The following ZNF467 variants were observed in gnomAD, a reference collection of about 807,000 sequenced individuals.
The protein encoded by ZNF467 is zinc finger protein 467, also known as zinc finger protein EZI.
Under a neutral mutation model 47.8 loss-of-function variants are expected in ZNF467, and 51 were observed. That is an observed-to-expected ratio of 1.07 (90% CI 0.85 to 1.35). ZNF467 has a LOEUF of 1.35. ZNF467 is among the 40% of genes most tolerant of loss of function. The pLI is 0.00. For synonymous variants in ZNF467, 416 were observed against 372.9 expected (o/e 1.12, Z -1.33); for missense variants, 992 against 858.1 (o/e 1.16, Z -1.95).
chr7:149,771,797 C>G (rs1424885556), intron 1 of ZNF467, among the ~76,000 whole-genome samples: 2 of 149,434 alleles, frequency 1.3e-5, no homozygotes, highest in Non-Finnish European at 3.0e-5. Context: ...CTTCCGCCCT[C>G]TCTCCCCTGC....
chr7:149,765,997 A>G lies in ZNF467; in HGVS notation c.505T>C (p.Phe169Leu), dbSNP rs1374584296. 3.0e-5 allele frequency: 47 copies of G among 1,559,958 alleles called. No individual in the cohort carries two copies. Among genetic ancestry groups the G allele is most frequent in the African/African-American group, 4.1e-5 (3 of 73,412 alleles). The change falls in exon 5 of 5, where the codon TTC becomes CTC. Residue 169 changes from phenylalanine to leucine, a missense_variant. By Grantham distance (22) the Phe-to-Leu change is conservative (BLOSUM62 0). Coordinates refer to ENST00000302017, the MANE Select transcript of ZNF467 (RefSeq NM_207336.3). ...PYGCGECERR[F>L]RDQLTLRLHQ... The stretch of plus-strand genomic sequence containing the variant: ...AGTCGCAACGTCAGCTGGTCCCGGA[A>G]GCGCCGCTCACACTCCCCGCAGCCG...
At chr7:149,773,817 A>C (rs1251995838), upstream of ZNF467, among the ~76,000 whole-genome samples, 3 of 151,708 alleles carry the variant, frequency 2.0e-5, no homozygotes, top group African/African-American at 7.3e-5. Context: ...CCCCGCCCCC[A>C]TTCTCCACCC....
Position 149,765,677 on chromosome 7 carries a change from C to T in ZNF467, c.825G>A (p.Thr275=), listed in dbSNP as rs144084437. ...TCTTGCGAAAGCGCTTCTCGCATTC[C>T]GTGCAGGGGAAGGGCCGCTCGCCGG... ...THTGERPFPC[T]ECEKRFRKKT... is the part of the protein sequence containing the mutation. The change falls in exon 5 of 5, where the codon ACG becomes ACA. Residue 275 remains threonine (T), a synonymous_variant. Coordinates refer to ENST00000302017, the MANE Select transcript of ZNF467 (RefSeq NM_207336.3). 4 of 1,613,158 alleles carry T rather than the reference C, an allele frequency of 2.5e-6. No individual in the cohort carries two copies. Among genetic ancestry groups the T allele is most frequent in the South Asian group, 2.2e-5 (2 of 90,966 alleles).
chr7:149,764,684 G>A lies in ZNF467; in HGVS notation c.*30C>T, dbSNP rs780241345. 1 of 1,579,196 alleles carries A rather than the reference G, an allele frequency of 6.3e-7. No individual in the cohort carries two copies. Among genetic ancestry groups the A allele is most frequent in the Admixed American group, 1.8e-5 (1 of 56,824 alleles). The stretch of plus-strand genomic sequence containing the variant: ...ATGGCACGGGCCTCTCGAAACTGTG[G>A]GCAAGAAAGGGTCCTCGTGAGAACT... On this transcript the variant is annotated 3_prime_UTR_variant, in exon 5 of 5. Coordinates refer to ENST00000302017, the MANE Select transcript of ZNF467 (RefSeq NM_207336.3).
At chr7:149,772,710 G>T (rs1799463680) in intron 1 of ZNF467, among the ~76,000 whole-genome samples, 1 of 141,854 alleles carries the variant, frequency 7.0e-6, no homozygotes, top group African/African-American at 2.7e-5. Context: ...TCACCTGTCA[G>T]CGCCCTCCTC....
At chr7:149,766,442 C>T (rs1276796637) in intron 4 of ZNF467, among the ~76,000 whole-genome samples, 1 of 152,240 alleles carries the variant, frequency 6.6e-6, no homozygotes, top group Admixed American at 6.5e-5. Flanking sequence ...GAACACCACA[C>T]GGCTCCCGGG....
In ZNF467 at chr7:149,765,637, G is replaced by T. The variant is rs575232022; in HGVS notation, c.865C>A (p.Arg289=). Reference sequence around the variant, plus strand: ...TCGCCCGTATGGATGCGCTGGTGCCGAATCAAGTGCGTCTTCTTGCGAAAG... The same window carrying T: ...TCGCCCGTATGGATGCGCTGGTGCCTAATCAAGTGCGTCTTCTTGCGAAAG... ...KRFRKKTHLI[R]HQRIHTGERP... is the part of the protein sequence containing the mutation. Residue 289 remains arginine, a synonymous_variant, in exon 5 of 5, where the codon CGG becomes AGG. Transcript: ENST00000302017. 2 of 1,609,238 alleles carry T rather than the reference G, an allele frequency of 1.2e-6. No homozygotes were observed. Among genetic ancestry groups the T allele is most frequent in the East Asian group, 2.2e-5 (1 of 44,646 alleles).
rs577003748 is a variant in ZNF467, at chr7:149,764,981, C to G, written c.1521G>C (p.Ala507=). 3.1e-6 allele frequency: 5 copies of G among 1,591,308 alleles called. No homozygotes were observed. Among genetic ancestry groups the G allele is most frequent in the Non-Finnish European group, 3.4e-6 (4 of 1,174,690 alleles). ...CGTGGGGGCGGCTGCCAGTGTGCAC[C>G]GCCTGGTGGCGGCCCAGGTGCGACT... ...SRKSHLGRHQ[A]VHTGSRPHAC... The change falls in exon 5 of 5, where the codon GCG becomes GCC. Residue 507 remains alanine (A), a synonymous_variant. Coordinates refer to ENST00000302017, the MANE Select transcript of ZNF467 (RefSeq NM_207336.3).
rs181116721 is a variant in ZNF467 at position 149,769,900 on chromosome 7, G to C, written c.151+540C>G. Among the ~76,000 whole-genome samples the C allele has an allele frequency of 1.3e-5, 2 of 152,094 alleles. No individual in the cohort carries two copies. Among genetic ancestry groups the C allele is most frequent in the Non-Finnish European group, 2.9e-5 (2 of 68,008 alleles). On this transcript the variant is annotated intron_variant, in intron 3 of 4. Transcript: ENST00000302017. This position sits in a 1 kb window ranked among gnomAD's most constrained non-coding sequence, Gnocchi z 5.3. ...TTGCCATGTTGCCTAGGCTGGTCTC[G>C]AATGGGGCTCAAGCAATCCTTCCAC... is the stretch of plus-strand genomic sequence containing the variant.
chr7:149,770,525 G>A lies in ZNF467; in HGVS notation c.66C>T (p.Pro22=), dbSNP rs201689370. 5.8e-5 allele frequency: 94 copies of A among 1,613,682 alleles called. No homozygotes were observed. Among genetic ancestry groups the A allele is most frequent in the Middle Eastern group, 1.7e-4 (1 of 6,056 alleles). ...GFSVGQPEMA[P]QSEPREGSHN... ...GGGATCCTTCCCTGGGCTCACTTTGGGGGGCCATCTCTGGCTGTCCCACAG... is the reference window on the plus strand; with the variant it reads ...GGGATCCTTCCCTGGGCTCACTTTGAGGGGCCATCTCTGGCTGTCCCACAG... Residue 22 remains proline, a synonymous_variant, in exon 3 of 5, where the codon CCC becomes CCT. Transcript: ENST00000302017.
intron 1 of ZNF467, among the ~76,000 whole-genome samples, chr7:149,771,810 A>T (rs1383519961): frequency 2.0e-5 from 3 of 146,424 alleles, no homozygotes; most frequent in Non-Finnish European, 4.5e-5. Flanking sequence ...TCCCCTGCGA[A>T]TCGGGCCGGC....
rs544589548 is a variant in ZNF467, at chr7:149,765,068, G to A, written c.1434C>T (p.Ser478=). 3 of 1,486,724 alleles carry A rather than the reference G, an allele frequency of 2.0e-6. No individual in the cohort carries two copies. The highest frequency in any genetic ancestry group is 1.4e-5 in the African/African-American group (1 of 69,688). The allele number at this position is 1,486,724 out of a possible 1,614,324, so 92.1% of individuals were successfully genotyped here. The change falls in exon 5 of 5, where the codon TCC becomes TCT. Residue 478 remains serine, a synonymous_variant. Coordinates refer to ENST00000302017, the MANE Select transcript of ZNF467 (RefSeq NM_207336.3). ...FGSRPNLVAH[S]RAHSGARPFA... ...AAGGCCTGGCGCCGCTGTGGGCCCT[G>A]GAGTGGGCGACCAGATTAGGCCGCG...
Position 149,764,850 on chromosome 7 carries a change from C to A in ZNF467, c.1652G>T (p.Ser551Ile). Residue 551 changes from serine to isoleucine, a missense_variant, in exon 5 of 5, where the codon AGC (serine) becomes ATC (isoleucine). Physicochemically the swap from Ser to Ile is moderately radical, Grantham distance 142. Transcript: ENST00000302017. Reference protein sequence around the residue: ...RPFSCPQCGKSFSRKTHLVRH... With the variant: ...RPFSCPQCGKIFSRKTHLVRH... ...CACCAGGTGGGTCTTGCGGCTGAAG[C>A]TCTTTCCGCACTGCGGGCAGGAGAA... 6.5e-7 allele frequency: 1 copy of A among 1,550,154 alleles called. No homozygotes were observed. Among genetic ancestry groups the A allele is most frequent in the South Asian group, 1.2e-5 (1 of 83,684 alleles).
rs1453230168 is a variant in ZNF467, at chr7:149,765,272, C to T, written c.1230G>A (p.Pro410=). Residue 410 remains proline (P), a synonymous_variant, in exon 5 of 5, where the codon CCG becomes CCA. Transcript: ENST00000302017. The part of the protein sequence containing the change: ...AKPLASAPGG[P]GCGPGSDPVV... ...CGGGATCGGATCCTGGGCCGCAGCCCGGTCCGCCAGGCGCGCTGGCCAGGG... is the reference window on the plus strand; with the variant it reads ...CGGGATCGGATCCTGGGCCGCAGCCTGGTCCGCCAGGCGCGCTGGCCAGGG... 2.7e-6 allele frequency: 4 copies of T among 1,461,702 alleles called. No individual in the cohort carries two copies. Among genetic ancestry groups the T allele is most frequent in the African/African-American group, 1.4e-5 (1 of 70,230 alleles). 90.5% of individuals were successfully genotyped at this position (1,461,702 alleles called of 1,614,324 possible).
chr7:149,771,020 A>C lies in ZNF467; in HGVS notation c.13T>G (p.Leu5Val). MRET[L>V]EALSSLGFSV... ...TCACCCAGGGAGCTGAGGGCCTCCA[A>C]GGTCTCTCTCATGGTAACCCAGAGT... The change falls in exon 2 of 5, where the codon TTG (leucine) becomes GTG (valine). Residue 5 changes from leucine (L) to valine (V), a missense_variant. Physicochemically the swap from Leu to Val is conservative, Grantham distance 32. Coordinates refer to ENST00000302017, the MANE Select transcript of ZNF467 (RefSeq NM_207336.3). The C allele has an allele frequency of 6.2e-7, 1 of 1,614,050 alleles. No homozygotes were observed. Among genetic ancestry groups the C allele is most frequent in the Non-Finnish European group, 8.5e-7 (1 of 1,179,958 alleles).
In ZNF467 at chr7:149,769,181, C is replaced by T. The variant is rs200125804; in HGVS notation, c.171G>A (p.Pro57=). Reference sequence around the variant, plus strand: ...CTTGTTCTGTGTGGGCACCTTCCTCCGGTGTAGGGGCCTCGTGCCCTGGCA... The same window carrying T: ...CTTGTTCTGTGTGGGCACCTTCCTCTGGTGTAGGGGCCTCGTGCCCTGGCA... The part of the protein sequence containing the change: ...GVCSGHEAPT[P]EEGAHTEQAE... Residue 57 remains proline, a synonymous_variant, in exon 4 of 5, where the codon CCG becomes CCA. Coordinates refer to ENST00000302017, the MANE Select transcript of ZNF467 (RefSeq NM_207336.3). The surrounding 1 kb of genome is among the most constrained non-coding windows in gnomAD (Gnocchi z 5.3). The T allele has an allele frequency of 2.4e-4, 373 of 1,559,282 alleles. No individual in the cohort carries two copies. The highest frequency in any genetic ancestry group is 8.7e-4 in the East Asian group (36 of 41,586).
upstream of ZNF467, among the ~76,000 whole-genome samples, chr7:149,774,869 C>T (rs1476867873): frequency 2.6e-5 from 4 of 152,096 alleles, no homozygotes; most frequent in Non-Finnish European, 4.4e-5. This position sits in a 1 kb window ranked among gnomAD's most constrained non-coding sequence, Gnocchi z 5.7. Flanking sequence ...AGAAGGAGAG[C>T]CCGGCCCAGC....
intron 1 of ZNF467, among the ~76,000 whole-genome samples, chr7:149,772,659 G>T (rs1345649722): frequency 7.1e-6 from 1 of 141,802 alleles, no homozygotes; most frequent in Admixed American, 7.0e-5. Context: ...TCCGATCGCC[G>T]ACTTCATTCC....
At chr7:149,775,557 A>T (rs896813162), upstream of ZNF467, among the ~76,000 whole-genome samples, 1 of 152,164 alleles carries the variant, frequency 6.6e-6, no homozygotes, top group Non-Finnish European at 1.5e-5. Flanking sequence ...TGCACATACA[A>T]TTTCAAAGAA....
Sources: gnomAD v4.1 joint callset for allele counts (sites outside exome capture counted in the v4.1 genomes callset) on GRCh38, gnomAD v4.1.1 for gene constraint, Gnocchi (gnomAD v3.1) non-coding constraint, MANE v1.5 for transcripts, NCBI Gene and HGNC (gene_info 2026-07-23, HGNC 2026-07-21) for gene names.